DLGAP2: variants seen among roughly 807,000 people sequenced by gnomAD.
DLGAP2 encodes the protein disks large-associated protein 2.
Under a neutral mutation model 100.3 loss-of-function variants are expected in DLGAP2, and 26 were observed. The ratio of observed to expected loss-of-function variants is 0.26; its 90% CI spans 0.19 to 0.36. DLGAP2 has a LOEUF of 0.36. Among genes scored for constraint, DLGAP2 ranks in the 10% least tolerant of loss-of-function variants. The pLI, the probability that DLGAP2 is intolerant of heterozygous loss-of-function variation, is 1.00. For synonymous variants in DLGAP2, 886 were observed against 630.1 expected (o/e 1.41, Z -6.08); for missense variants, 1,858 against 1,453.2 (o/e 1.28, Z -4.53).
intron 1 of DLGAP2, among the ~76,000 whole-genome samples, chr8:906,738 C>T (rs907891300): frequency 1.3e-5 from 2 of 152,224 alleles, no homozygotes; most frequent in Non-Finnish European, 2.9e-5. Flanking sequence ...GGTTTGTTCT[C>T]TGCCTCAGCC....
At chr8:1,433,110 T>C (rs1389585087) in intron 3 of DLGAP2, among the ~76,000 whole-genome samples, 1 of 152,046 alleles carries the variant, frequency 6.6e-6, no homozygotes, top group Non-Finnish European at 1.5e-5. Flanking sequence ...ACGTCCCCAG[T>C]GTGTGGGTGG....
rs1189739295 is a variant in DLGAP2 at position 967,844 on chromosome 8, A to T, written c.73+59878A>T. 7.2e-4 allele frequency among the ~76,000 whole-genome samples: 48 copies of T among 66,742 alleles called. 6 individuals are homozygous for T. Among genetic ancestry groups the T allele is most frequent in the Admixed American group, 4.5e-3 (35 of 7,714 alleles). 43.8% of individuals were successfully genotyped at this position (66,742 alleles called of 152,430 possible). On this transcript the variant is annotated intron_variant, in intron 2 of 14. Coordinates refer to ENST00000637795, the MANE Select transcript of DLGAP2 (RefSeq NM_001346810.2). Reference sequence around the variant, plus strand: ...TATATATATATATATATATATATATATATATATATATATATATATATATAT... The same window carrying T: ...TATATATATATATATATATATATATTTATATATATATATATATATATATAT...
chr8:1,407,192 G>A (rs1485922805), intron 3 of DLGAP2, among the ~76,000 whole-genome samples: 1 of 43,174 alleles, frequency 2.3e-5, no homozygotes, highest in Non-Finnish European at 4.0e-5. Flanking sequence ...CTCCCTCCTT[G>A]TCCTCCGGAG....
chr8:1,351,892 C>T (rs548202760), intron 3 of DLGAP2, among the ~76,000 whole-genome samples: 4 of 91,948 alleles, frequency 4.4e-5, no homozygotes, highest in East Asian at 4.8e-4. Flanking sequence ...TTGGAAAGGC[C>T]GTGCGGGTCC....
intron 3 of DLGAP2, among the ~76,000 whole-genome samples, chr8:1,423,403 A>G (rs1797154399): frequency 6.6e-6 from 1 of 152,206 alleles, no homozygotes; most frequent in Middle Eastern, 3.4e-3. Context: ...TGGAGTTTGC[A>G]TTTCCCACCA....
intron 2 of DLGAP2, among the ~76,000 whole-genome samples, chr8:957,930 A>C (rs1207423589): frequency 2.6e-5 from 4 of 152,164 alleles, no homozygotes; most frequent in African/African-American, 4.8e-5. Context: ...TTAAATGTCC[A>C]ATTCAGTGAC....
intron 2 of DLGAP2, among the ~76,000 whole-genome samples, chr8:914,632 G>T (rs145748916): frequency 1.7e-4 from 26 of 152,348 alleles, no homozygotes; most frequent in African/African-American, 6.0e-4. Flanking sequence ...GCAGAGCAAG[G>T]ATTGCACGGT....
Position 1,044,977 on chromosome 8 carries a change from C to G in DLGAP2, c.73+137011C>G, listed in dbSNP as rs11985515. Reference sequence around the variant, plus strand: ...CCATCTTTCAGAGGAATATGCTTACCTTCAGCTACAGACTTAAAAGGTCCT... The same window carrying G: ...CCATCTTTCAGAGGAATATGCTTACGTTCAGCTACAGACTTAAAAGGTCCT... On this transcript the variant is annotated intron_variant, in intron 2 of 14. Transcript: ENST00000637795. Among the ~76,000 whole-genome samples the G allele has an allele frequency of 8.2e-3, 1,251 of 152,356 alleles. 20 individuals carry two copies. The highest frequency in any genetic ancestry group is 0.027 in the African/African-American group (1,134 of 41,574).
intron 5 of DLGAP2, among the ~76,000 whole-genome samples, chr8:1,555,474 T>TC (rs1246046638): frequency 1.3e-5 from 2 of 151,728 alleles, no homozygotes; most frequent in African/African-American, 2.4e-5. Context: ...GGCCACCGCT[T>TC]CCCCCCGGCC....
intron 3 of DLGAP2, among the ~76,000 whole-genome samples, chr8:1,270,264 A>G (rs1162983442): frequency 2.0e-5 from 3 of 152,230 alleles, no homozygotes; most frequent in Admixed American, 2.0e-4. Context: ...ACTTGGATCA[A>G]CAGAGGAGCA....
chr8:892,720 C>G (rs1444260400), intron 1 of DLGAP2, among the ~76,000 whole-genome samples: 1 of 152,140 alleles, frequency 6.6e-6, no homozygotes, highest in Non-Finnish European at 1.5e-5. Context: ...CCGGGAACCA[C>G]CAGGCGGGGC....
intron 2 of DLGAP2, among the ~76,000 whole-genome samples, chr8:1,054,978 G>T (rs141589083): frequency 4.6e-5 from 7 of 152,116 alleles, no homozygotes; most frequent in Admixed American, 2.0e-4. Context: ...AGCAATAATC[G>T]CATATAGCAA....
At chr8:798,383 A>G (rs1796079834) in intron 1 of DLGAP2, among the ~76,000 whole-genome samples, 3 of 148,174 alleles carry the variant, frequency 2.0e-5, no homozygotes. Context: ...GGTGCTGGCC[A>G]GGTGACGGGT....
chr8:1,507,607 C>T (rs182772931), intron 4 of DLGAP2, among the ~76,000 whole-genome samples: 1,880 of 152,276 alleles, frequency 0.012, 41 homozygotes, highest in African/African-American at 0.042. Flanking sequence ...CCGGAGTGGG[C>T]GCCGAGGCGG....
intron 1 of DLGAP2, among the ~76,000 whole-genome samples, chr8:895,447 C>G (rs76183271): frequency 0.12 from 17,536 of 152,210 alleles, 1,461 homozygotes; most frequent in Admixed American, 0.26. Context: ...GGCTGTCGGT[C>G]TCTGGACGCT....
At chr8:833,923 ATTAT>A (rs1452200218) in intron 1 of DLGAP2, among the ~76,000 whole-genome samples, 2 of 152,302 alleles carry the variant, frequency 1.3e-5, no homozygotes, top group East Asian at 1.9e-4. Flanking sequence ...AAAGAAAAAA[ATTAT>A]TTATGGAGCT....
At chr8:1,048,761 G>A (rs983006190) in intron 2 of DLGAP2, among the ~76,000 whole-genome samples, 8 of 151,972 alleles carry the variant, frequency 5.3e-5, no homozygotes, top group South Asian at 4.1e-4. Flanking sequence ...ATCTGCCGCC[G>A]AAGCTGCAGT....
At chr8:1,345,993 G>A (rs1198749344) in intron 3 of DLGAP2, among the ~76,000 whole-genome samples, 1 of 152,216 alleles carries the variant, frequency 6.6e-6, no homozygotes, top group Non-Finnish European at 1.5e-5. Flanking sequence ...TCCAGACTCT[G>A]GCACCAGCTC....
At chr8:1,509,960 A>C (rs1331411616) in intron 4 of DLGAP2, among the ~76,000 whole-genome samples, 1 of 152,164 alleles carries the variant, frequency 6.6e-6, no homozygotes, top group Non-Finnish European at 1.5e-5. Context: ...AGTCGGTGTA[A>C]TACTCCAGAC....
Sources: allele counts gnomAD v4.1 joint callset (sites outside exome capture counted in the v4.1 genomes callset), GRCh38; gene constraint gnomAD v4.1.1; transcripts MANE v1.5; gene names NCBI Gene and HGNC (gene_info 2026-07-23, HGNC 2026-07-21).